Variants in GIN1 observed in about 807,000 individuals in gnomAD.
GIN1 encodes gypsy retrotransposon integrase 1, also known as gypsy retrotransposon integrase-like protein 1.
In GIN1, 41 loss-of-function variants were observed where a neutral mutation model predicts 51.4. The ratio of observed to expected loss-of-function variants is 0.80; its 90% confidence interval spans 0.62 to 1.04. GIN1 has a LOEUF of 1.04. GIN1 is among the 50% of genes least tolerant of loss of function. The pLI is 0.00. For synonymous variants in GIN1, 222 were observed against 206.5 expected, an observed-to-expected ratio of 1.07 and a Z score of -0.64; for missense variants, 610 against 612.4, an observed-to-expected ratio of 1.00 and a Z score of 0.04.
intron 7 of GIN1, among the ~76,000 whole-genome samples, chr5:103,092,332 A>C (rs957431706): frequency 6.6e-6 from 1 of 152,188 alleles, no homozygotes; most frequent in Non-Finnish European, 1.5e-5. Flanking sequence ...AATAAAAATA[A>C]TAATTAAAAA....
chr5:103,118,910 C>T lies in GIN1; in HGVS notation c.-8+1154G>A, dbSNP rs1788203293. On this transcript the variant is annotated intron_variant, in intron 1 of 7. Transcript: ENST00000399004. ...TACATAAAGAAAGACTGTCCTGGGA[C>T]TTCTTTGGATATGCTCATATTTTCA... Among the ~76,000 whole-genome samples the T allele has an allele frequency of 2.6e-5, 4 of 151,978 alleles. 1 individual carries two copies. Among genetic ancestry groups the T allele is most frequent in the East Asian group, 1.9e-4 (1 of 5,194 alleles).
In GIN1 at chr5:103,086,839, T is replaced by C. The variant is rs1279193688; in HGVS notation, c.*1059A>G. On this transcript the variant is annotated 3_prime_UTR_variant, in exon 8 of 8. Transcript: ENST00000399004. ...TCTTTTACTTTTCCCACAGTTCTTT[T>C]CATAGTGCTTTAGAATAAATATTTA... 1 of 152,246 alleles carries C rather than the reference T, an allele frequency of 6.6e-6. No homozygotes were observed. The highest frequency in any genetic ancestry group is 1.5e-5 in the Non-Finnish European group (1 of 68,044). 9.4% of individuals were successfully genotyped at this position (152,246 alleles called of 1,614,324 possible). A position where few individuals can be genotyped will look rare whatever the true frequency, so the allele number is the denominator to read the frequency against.
intron 7 of GIN1, among the ~76,000 whole-genome samples, chr5:103,090,741 TGTAAA>T (rs1787214290): frequency 6.6e-6 from 1 of 152,178 alleles, no homozygotes; most frequent in Non-Finnish European, 1.5e-5. Flanking sequence ...TATGCCTAGA[TGTAAA>T]GCTCTTAGAA....
rs1456276675 is a variant in GIN1, at chr5:103,117,052, A to G, written c.-8+3012T>C. ...CCAGCAATACCAATCTTAGATACTA[A>G]CCCAAAAGAAAATATGTACACCTAA... On this transcript the variant is annotated intron_variant, in intron 1 of 7. Transcript: ENST00000399004. 2.0e-5 allele frequency among the ~76,000 whole-genome samples: 3 copies of G among 152,172 alleles called. No homozygotes were observed. In the East Asian group the frequency reaches 5.8e-4, roughly 29 times the overall value.
Position 103,097,319 on chromosome 5 carries a change from C to G in GIN1, c.1003G>C (p.Gly335Arg). The G allele has an allele frequency of 6.4e-7, 1 of 1,571,738 alleles. No homozygotes were observed. The highest frequency in any genetic ancestry group is 1.1e-5 in the South Asian group (1 of 88,042). Reference protein sequence around the residue: ...KIMENKTTSLGQMENNNLDEL... With the variant: ...KIMENKTTSLRQMENNNLDEL... ...TTTCTATTGAATAGAATCACCTGGC[C>G]CAGTGAAGTTGTCTTATTCTCCATT... Residue 335 changes from glycine to arginine, a missense_variant, in exon 6 of 8, where the codon GGC becomes CGC. By Grantham distance (125) the Gly-to-Arg change is moderately radical. Transcript: ENST00000399004.
At chr5:103,088,369 C>T (rs753242899) in intron 7 of GIN1, among the ~76,000 whole-genome samples, 197 bp from the exon 8 acceptor site, 7 of 152,252 alleles carry the variant, frequency 4.6e-5, no homozygotes, top group African/African-American at 1.4e-4. Context: ...ACAGTTCATA[C>T]ATAAACAATG....
intron 4 of GIN1, 115 bp downstream of exon 4, chr5:103,104,426 C>T (rs1583124790): frequency 8.2e-6 from 5 of 606,338 alleles, no homozygotes; most frequent in East Asian, 5.5e-5. Flanking sequence ...TCTATACCTA[C>T]AGAAATTTAT....
At chr5:103,112,349 CAT>C (rs1209896426) in intron 1 of GIN1, among the ~76,000 whole-genome samples, 2 of 152,166 alleles carry the variant, frequency 1.3e-5, no homozygotes, top group African/African-American at 4.8e-5. Flanking sequence ...AGTTATTTGA[CAT>C]AGTCACCTTG....
intron 4 of GIN1, among the ~76,000 whole-genome samples, chr5:103,101,673 T>G (rs1401373027): frequency 6.6e-6 from 1 of 152,234 alleles, no homozygotes; most frequent in Non-Finnish European, 1.5e-5. Flanking sequence ...TATCCATACT[T>G]TCATTCAACT....
At position 103,108,688 on chromosome 5, in the gene GIN1, T is replaced by C. The variant is rs1344921909; in HGVS notation, c.20A>G (p.Asn7Ser). MVRSGK[N>S]GDLHLKQIAY... ...AATCTGTTTAAGATGAAGGTCACCA[T>C]TTTTTCCACTACGGACCATTGTGAA... The change falls in exon 2 of 8, where the codon AAT (asparagine) becomes AGT (serine). Residue 7 changes from asparagine to serine, a missense_variant. Physicochemically the swap from Asn to Ser is conservative, Grantham distance 46. Coordinates refer to ENST00000399004, the MANE Select transcript of GIN1 (RefSeq NM_017676.2). The C allele has an allele frequency of 2.5e-6, 4 of 1,600,342 alleles. No individual in the cohort carries two copies. Among genetic ancestry groups the C allele is most frequent in the Non-Finnish European group, 3.4e-6 (4 of 1,170,824 alleles).
intron 1 of GIN1, among the ~76,000 whole-genome samples, chr5:103,116,641 T>TA (rs1350244489): frequency 1.3e-5 from 2 of 151,920 alleles, no homozygotes; most frequent in Non-Finnish European, 1.5e-5. Context: ...AAAGAACTGC[T>TA]AAAAAAAGAG....
At position 103,096,758 on chromosome 5, in the gene GIN1, T is replaced by C. The variant is rs1554195126; in HGVS notation, c.1077A>G (p.Leu359=). 6.2e-7 allele frequency: 1 copy of C among 1,610,616 alleles called. No individual in the cohort carries two copies. The change falls in exon 7 of 8, where the codon TTA becomes TTG. Residue 359 remains leucine, a synonymous_variant. Transcript: ENST00000399004. ...GACCCACTTTTAAATGAAATGGATT[T>C]AATTGTTTGGGTTTCTTTTTAACAA... ...KIIVKKKPKQ[L]NPFHLKVGHE...
At chr5:103,097,516 T>C (rs1339473802) in intron 5 of GIN1, 26 bp from the exon 6 acceptor site, 18 of 1,494,498 alleles carry the variant, frequency 1.2e-5, no homozygotes, top group African/African-American at 2.8e-5. Flanking sequence ...TAAACGTCAA[T>C]TTTGTAATAA....
At chr5:103,108,922 AATT>A (rs1237714647) in intron 1 of GIN1, among the ~76,000 whole-genome samples, 1 of 151,994 alleles carries the variant, frequency 6.6e-6, no homozygotes, top group African/African-American at 2.4e-5. Flanking sequence ...CCCCATGACA[AATT>A]ATCTTGTCTC....
intron 1 of GIN1, among the ~76,000 whole-genome samples, chr5:103,112,634 C>G (rs955934138): frequency 2.0e-4 from 30 of 152,120 alleles, no homozygotes; most frequent in African/African-American, 7.2e-4. Context: ...CCTGATTAAG[C>G]CTTACCCATC....
At chr5:103,104,399 G>A (rs153010) in intron 4 of GIN1, 142 bp downstream of exon 4, 11,449 of 547,966 alleles carry the variant, frequency 0.021, 167 homozygotes, top group Non-Finnish European at 0.029. Flanking sequence ...TATCCTTGTA[G>A]TATTTAATAT....
rs782587694 is a variant in GIN1, at chr5:103,097,623, T to G, written c.798A>C (p.Ser266=). Residue 266 remains serine (S), a synonymous_variant, in exon 5 of 8, where the codon TCA becomes TCC. Transcript: ENST00000399004. ...DHPNNWDDHL[S]AVSFAFNVTH... ...TTACATTGAAGGCAAATGAAACAGC[T>G]GATAGGTGATCATCCCAATTGTTTG... The G allele has an allele frequency of 6.2e-7, 1 of 1,611,612 alleles. No individual in the cohort carries two copies. The highest frequency in any genetic ancestry group is 1.7e-5 in the Admixed American group (1 of 59,986).
At chr5:103,089,033 T>C (rs1787161607) in intron 7 of GIN1, among the ~76,000 whole-genome samples, 1 of 152,158 alleles carries the variant, frequency 6.6e-6, no homozygotes. Flanking sequence ...TATGTGATAA[T>C]GTGTAAGAAG....
chr5:103,104,792 T>A lies in GIN1; in HGVS notation c.388A>T (p.Lys130Ter). Residue 130 changes from lysine (K) to a stop codon, truncating the protein, a stop_gained, in exon 4 of 8, where the codon AAA becomes TAA. Coordinates refer to ENST00000399004, the MANE Select transcript of GIN1 (RefSeq NM_017676.2). LOFTEE classifies it high-confidence loss of function. ...TTTTCCACCTTGAGAAGGTGCTGTT[T>A]CGGTGCTACAATAACTGTATTTTTT... ...VAKNTVIVAP[K>*]QHLLKVENPW... The A allele has an allele frequency of 6.2e-7, 1 of 1,612,628 alleles. No individual in the cohort carries two copies. Among genetic ancestry groups the A allele is most frequent in the Non-Finnish European group, 8.5e-7 (1 of 1,178,858 alleles).
Sources: allele counts gnomAD v4.1 joint callset (sites outside exome capture counted in the v4.1 genomes callset), GRCh38; gene constraint gnomAD v4.1.1; transcripts MANE v1.5; gene names NCBI Gene and HGNC (gene_info 2026-07-23, HGNC 2026-07-21).